WDFY2: variants seen among roughly 807,000 people sequenced by gnomAD.
WDFY2 encodes WD repeat and FYVE domain containing 2.
In WDFY2, 36 loss-of-function variants were observed where a neutral mutation model predicts 56.4. The observed-to-expected ratio is 0.64, with a 90% CI of 0.49 to 0.84. The LOEUF is 0.84. Ranked by LOEUF, WDFY2 falls within the 40% of genes least tolerant of loss-of-function variation. The pLI, the probability that WDFY2 is intolerant of heterozygous loss-of-function variation, is 0.00. For missense variants in WDFY2, 444 were observed against 512.2 expected, an observed-to-expected ratio of 0.87 and a Z score of 1.29; for synonymous variants, 176 against 183.7, an observed-to-expected ratio of 0.96 and a Z score of 0.34.
chr13:51,670,631 C>G (rs189630041), intron 2 of WDFY2, among the ~76,000 whole-genome samples: 84 of 152,260 alleles, frequency 5.5e-4, no homozygotes, highest in Non-Finnish European at 9.9e-4. Context: ...CTCTGACACT[C>G]CCCTTTCCAG....
intron 1 of WDFY2, among the ~76,000 whole-genome samples, chr13:51,651,894 A>G (rs1384760385): frequency 1.3e-5 from 2 of 152,080 alleles, no homozygotes; most frequent in African/African-American, 2.4e-5. Flanking sequence ...GGGGTAGAGA[A>G]TTCTGTAGAT....
At chr13:51,743,301 C>G (rs933106551) in intron 7 of WDFY2, among the ~76,000 whole-genome samples, 6 of 152,206 alleles carry the variant, frequency 3.9e-5, no homozygotes, top group Admixed American at 2.0e-4. Context: ...GCCTCTGAGT[C>G]AGGTCAAACT....
intron 11 of WDFY2, among the ~76,000 whole-genome samples, chr13:51,759,134 T>C (rs1329860697): frequency 6.6e-6 from 1 of 152,166 alleles, no homozygotes; most frequent in Non-Finnish European, 1.5e-5. Flanking sequence ...TGAGCCATGA[T>C]TGTGCCACTG....
intron 2 of WDFY2, among the ~76,000 whole-genome samples, chr13:51,670,488 T>TGCGCGCGC (rs961360980): frequency 1.1e-5 from 1 of 92,022 alleles, no homozygotes; most frequent in African/African-American, 4.0e-5. Flanking sequence ...TGTGCGCACA[T>TGCGCGCGC]GCACACACAC....
intron 8 of WDFY2, among the ~76,000 whole-genome samples, chr13:51,752,065 G>A (rs866272106): frequency 6.6e-6 from 1 of 152,030 alleles, no homozygotes; most frequent in Admixed American, 6.5e-5. Context: ...CTTTCCCTTT[G>A]ACAATGCACA....
intron 5 of WDFY2, among the ~76,000 whole-genome samples, chr13:51,723,342 T>G (rs1274639988): frequency 1.3e-5 from 2 of 152,258 alleles, no homozygotes; most frequent in Admixed American, 1.3e-4. Context: ...ATTTCACTGC[T>G]TATTTTGAAA....
intron 2 of WDFY2, among the ~76,000 whole-genome samples, chr13:51,661,992 A>T (rs1593953683): frequency 6.6e-6 from 1 of 151,816 alleles, no homozygotes; most frequent in Non-Finnish European, 1.5e-5. Flanking sequence ...TGTTTTTGAG[A>T]TGGAGTCTCC....
At chr13:51,732,234 A>G (rs572079901) in intron 6 of WDFY2, among the ~76,000 whole-genome samples, 3 of 152,030 alleles carry the variant, frequency 2.0e-5, no homozygotes, top group African/African-American at 7.2e-5. Context: ...AGGTTCAAGC[A>G]ATTCTCCTGC....
intron 1 of WDFY2, among the ~76,000 whole-genome samples, chr13:51,624,617 C>T (rs1451261525): frequency 6.6e-6 from 1 of 152,160 alleles, no homozygotes; most frequent in Non-Finnish European, 1.5e-5. Flanking sequence ...ATTGATAAGC[C>T]TATGTTAGAA....
chr13:51,650,586 C>T (rs1261306770), intron 1 of WDFY2, among the ~76,000 whole-genome samples: 2 of 152,116 alleles, frequency 1.3e-5, no homozygotes, highest in African/African-American at 2.4e-5. Flanking sequence ...GAGATACGTC[C>T]CATCAATACC....
At chr13:51,741,029 C>G (rs1202301524) in intron 7 of WDFY2, among the ~76,000 whole-genome samples, 1 of 152,200 alleles carries the variant, frequency 6.6e-6, no homozygotes, top group Non-Finnish European at 1.5e-5. Context: ...GGGAAACTTA[C>G]GCCTACAGTT....
At chr13:51,639,820 T>G (rs1257431976) in intron 1 of WDFY2, among the ~76,000 whole-genome samples, 1 of 152,234 alleles carries the variant, frequency 6.6e-6, no homozygotes. Flanking sequence ...GGCATTTTCA[T>G]CTACTCTGCT....
chr13:51,589,218 T>C, intron 1 of WDFY2: 1 of 152,236 alleles, frequency 6.6e-6, no homozygotes, highest in East Asian at 1.9e-4. Context: ...CTGAGGATTT[T>C]GTGAGTTTCT....
In WDFY2 at chr13:51,660,668, G is replaced by A. The variant is rs778321850; in HGVS notation, c.205+5G>A. ...GCGTATACCATGCAATGCCTTGTAA[G>A]TATCCAAATCGCTGTCTTGAAAAAC... On this transcript the variant is annotated splice_donor_5th_base_variant and intron_variant, in intron 2 of 11. Coordinates refer to ENST00000298125, the MANE Select transcript of WDFY2 (RefSeq NM_052950.4). 3 of 1,613,342 alleles carry A rather than the reference G, an allele frequency of 1.9e-6. No individual in the cohort carries two copies. The highest frequency in any genetic ancestry group is 1.7e-5 in the Admixed American group (1 of 59,958).
chr13:51,654,436 G>T (rs1180869102), intron 1 of WDFY2, among the ~76,000 whole-genome samples: 4 of 152,186 alleles, frequency 2.6e-5, no homozygotes, highest in Non-Finnish European at 5.9e-5. Flanking sequence ...ACAATCCCCA[G>T]TGAGATGAAC....
intron 4 of WDFY2, among the ~76,000 whole-genome samples, chr13:51,708,792 C>G (rs1041717948): frequency 1.2e-4 from 18 of 151,906 alleles, no homozygotes; most frequent in African/African-American, 4.4e-4. Flanking sequence ...TATAAAGACA[C>G]CAATAGCTTA....
rs1247925868 is a variant in WDFY2, at chr13:51,660,600, G to A, written c.142G>A (p.Val48Ile). Residue 48 changes from valine (V) to isoleucine (I), a missense_variant, in exon 2 of 12, where the codon GTT (valine) becomes ATT (isoleucine). By Grantham distance (29) the Val-to-Ile change is conservative. Coordinates refer to ENST00000298125, the MANE Select transcript of WDFY2 (RefSeq NM_052950.4). ...GVISVSEDRTVRVWLKRDSGQ... is the reference protein window; with the variant it reads ...GVISVSEDRTIRVWLKRDSGQ... ...ACATATTTTCTTCTGTTGTAGGACA[G>A]TTCGTGTTTGGTTAAAGAGAGACAG... The A allele has an allele frequency of 1.2e-6, 2 of 1,613,736 alleles. No individual in the cohort carries two copies. The highest frequency in any genetic ancestry group is 1.7e-5 in the Admixed American group (1 of 60,008).
chr13:51,721,981 A>AC (rs957734056), intron 5 of WDFY2, among the ~76,000 whole-genome samples: 5 of 82,408 alleles, frequency 6.1e-5, no homozygotes, highest in East Asian at 4.4e-4. Flanking sequence ...AGAACCTCCC[A>AC]CCCCCCACCC....
At chr13:51,623,342 A>G (rs1422694835) in intron 1 of WDFY2, among the ~76,000 whole-genome samples, 4 of 152,142 alleles carry the variant, frequency 2.6e-5, no homozygotes, top group Admixed American at 2.6e-4. Context: ...ATGACTGGAA[A>G]GATGAAAAGG....
Sources: gnomAD v4.1 joint callset for allele counts (sites outside exome capture counted in the v4.1 genomes callset) on GRCh38, gnomAD v4.1.1 for gene constraint, MANE v1.5 for transcripts, NCBI Gene and HGNC (gene_info 2026-07-23, HGNC 2026-07-21) for gene names.